Variants in FHIT observed in about 807,000 individuals in gnomAD.
The protein encoded by FHIT is fragile histidine triad diadenosine triphosphatase.
Under a neutral mutation model 17.9 loss-of-function variants are expected in FHIT, and 19 were observed. The observed-to-expected ratio is 1.06, with a 90% CI of 0.74 to 1.56. The LOEUF is 1.56. Among genes scored for constraint, FHIT ranks in the 40% most tolerant of loss-of-function variants. The probability of loss-of-function intolerance (pLI) is 0.00; values close to 1 mark genes in which losing one functional copy is unlikely to be tolerated. For missense variants in FHIT, 248 were observed against 189.2 expected, an observed-to-expected ratio of 1.31 and a Z score of -1.82; for synonymous variants, 81 against 69.7, an observed-to-expected ratio of 1.16 and a Z score of -0.81.
chr3:60,955,255 A>G (rs1186685729), intron 3 of FHIT, among the ~76,000 whole-genome samples: 2 of 152,154 alleles, frequency 1.3e-5, no homozygotes, highest in African/African-American at 4.8e-5. Context: ...GCCACATGCA[A>G]CCACAGGAAT....
intron 8 of FHIT, among the ~76,000 whole-genome samples, chr3:59,817,149 A>G (rs997617615): frequency 2.0e-5 from 3 of 152,216 alleles, no homozygotes; most frequent in African/African-American, 2.4e-5. Context: ...ATTACCATCT[A>G]TAAGATCCTC....
chr3:59,978,248 T>C (rs187124840), intron 7 of FHIT, among the ~76,000 whole-genome samples: 1 of 152,250 alleles, frequency 6.6e-6, no homozygotes, highest in East Asian at 1.9e-4. Context: ...TTTTACTCGC[T>C]AAAGTTTGTG....
At chr3:60,048,267 C>T in intron 5 of FHIT, among the ~76,000 whole-genome samples, 1 of 152,164 alleles carries the variant, frequency 6.6e-6, no homozygotes, top group East Asian at 1.9e-4. Context: ...CCTTCTGCCT[C>T]CTGGGTTCAA....
intron 8 of FHIT, among the ~76,000 whole-genome samples, chr3:59,765,322 A>G (rs1227658615): frequency 6.6e-6 from 1 of 152,218 alleles, no homozygotes; most frequent in Non-Finnish European, 1.5e-5. Context: ...TTGAAAATGG[A>G]CTGTTCCTAG....
chr3:61,063,594 A>C (rs2034503015), intron 2 of FHIT, among the ~76,000 whole-genome samples: 1 of 152,196 alleles, frequency 6.6e-6, no homozygotes, highest in African/African-American at 2.4e-5. Context: ...TAATGTCTGC[A>C]TGTCACTAAA....
At chr3:60,192,542 T>C (rs185407552) in intron 5 of FHIT, among the ~76,000 whole-genome samples, 5 of 152,314 alleles carry the variant, frequency 3.3e-5, no homozygotes, top group Admixed American at 6.5e-5. Context: ...ATCTGATCTA[T>C]GAACAATCAA....
intron 2 of FHIT, among the ~76,000 whole-genome samples, chr3:61,071,476 T>A (rs1044594538): frequency 6.6e-6 from 1 of 152,202 alleles, no homozygotes; most frequent in African/African-American, 2.4e-5. Flanking sequence ...ACAGTGTTAC[T>A]TCCCATAAAG....
At chr3:60,405,703 T>C (rs1701830924) in intron 5 of FHIT, among the ~76,000 whole-genome samples, 1 of 152,138 alleles carries the variant, frequency 6.6e-6, no homozygotes, top group African/African-American at 2.4e-5. Context: ...ACCAAACATC[T>C]AGCAAAGTTG....
chr3:60,680,999 T>G (rs1395411730), intron 4 of FHIT, among the ~76,000 whole-genome samples: 2 of 152,214 alleles, frequency 1.3e-5, no homozygotes, highest in Admixed American at 6.5e-5. Flanking sequence ...GGATATAATT[T>G]TTTTAAGTAC....
At chr3:60,645,559 G>C (rs956857120) in intron 4 of FHIT, among the ~76,000 whole-genome samples, 3 of 152,138 alleles carry the variant, frequency 2.0e-5, no homozygotes, top group Non-Finnish European at 2.9e-5. Flanking sequence ...TCTCTAAAGA[G>C]ACATCTTCTC....
chr3:59,801,927 C>G (rs896914646), intron 8 of FHIT, among the ~76,000 whole-genome samples: 6 of 152,222 alleles, frequency 3.9e-5, no homozygotes, highest in Admixed American at 3.9e-4. Flanking sequence ...AGGTCCATAC[C>G]TAATGTTCAC....
chr3:60,501,723 T>C (rs556917823), intron 5 of FHIT, among the ~76,000 whole-genome samples: 16 of 152,362 alleles, frequency 1.1e-4, no homozygotes, highest in African/African-American at 3.8e-4. Context: ...AGAGATCATA[T>C]ATCCACATTA....
rs1559644292 is a variant in FHIT, at chr3:60,114,069, AT to A, written c.104-99918del. Among the ~76,000 whole-genome samples, 419 of 107,150 alleles carry A rather than the reference AT, an allele frequency of 3.9e-3. 17 individuals are homozygous for A. Among genetic ancestry groups the A allele is most frequent in the African/African-American group, 0.014 (381 of 27,116 alleles). The allele number at this position is 107,150 out of a possible 152,430, so 70.3% of individuals were successfully genotyped here. A position where few individuals can be genotyped will look rare whatever the true frequency, so the allele number is the denominator to read the frequency against. On this transcript the variant is annotated intron_variant, in intron 5 of 9. Transcript: ENST00000492590. ...TATATATATATATATATATATATAT[AT>A]ATAATGTTATATGTATCTTACCACA...
intron 5 of FHIT, among the ~76,000 whole-genome samples, chr3:60,190,219 A>G (rs571573861): frequency 6.6e-6 from 1 of 152,178 alleles, no homozygotes; most frequent in Non-Finnish European, 1.5e-5. Flanking sequence ...ATAACGTCCC[A>G]CATTCACTTC....
In FHIT at chr3:60,701,017, T is replaced by C. The variant is rs546070194; in HGVS notation, c.-18+120902A>G. On this transcript the variant is annotated intron_variant, in intron 4 of 9. Transcript: ENST00000492590. ...ATTCATCTGAATTTTTAGATTTTTATTGTAAAAAATAGTGGTCTAACATTT... is the reference window on the plus strand; with the variant it reads ...ATTCATCTGAATTTTTAGATTTTTACTGTAAAAAATAGTGGTCTAACATTT... 5.3e-5 allele frequency among the ~76,000 whole-genome samples: 8 copies of C among 152,292 alleles called. No homozygotes were observed. In the East Asian group the frequency reaches 7.7e-4, roughly 15 times the overall value.
chr3:59,860,512 A>G (rs1411494185), intron 8 of FHIT, among the ~76,000 whole-genome samples: 1 of 152,228 alleles, frequency 6.6e-6, no homozygotes, highest in East Asian at 1.9e-4. Context: ...TTCTTCTGTT[A>G]TTCCAAATCA....
chr3:60,955,163 A>G (rs956012612), intron 3 of FHIT, among the ~76,000 whole-genome samples: 3 of 152,194 alleles, frequency 2.0e-5, no homozygotes, highest in African/African-American at 7.2e-5. Flanking sequence ...AAAAGCAAGC[A>G]GGAAAGCTAA....
rs1702242221 is a variant in FHIT, at chr3:59,775,042, G to C, written c.349-22721C>G. Among the ~76,000 whole-genome samples, 13 of 152,258 alleles carry C rather than the reference G, an allele frequency of 8.5e-5. No individual in the cohort carries two copies. The South Asian group carries it at 2.7e-3, about 32-fold the overall frequency. ...CCAAGAAATTCATAGGCACATTAAG[G>C]TTTGAGAAGCACTGCTCTGGGCTAT... On this transcript the variant is annotated intron_variant, in intron 8 of 9. Coordinates refer to ENST00000492590, the MANE Select transcript of FHIT (RefSeq NM_002012.4).
chr3:59,893,562 A>G (rs1200233088), intron 8 of FHIT, among the ~76,000 whole-genome samples: 1 of 152,268 alleles, frequency 6.6e-6, no homozygotes, highest in African/African-American at 2.4e-5. Context: ...TGGCAACATT[A>G]TAAGTGCGCT....
Sources: allele counts gnomAD v4.1 joint callset (sites outside exome capture counted in the v4.1 genomes callset), GRCh38; gene constraint gnomAD v4.1.1; transcripts MANE v1.5; gene names NCBI Gene and HGNC (gene_info 2026-07-23, HGNC 2026-07-21).